Variants in MB21D2 observed in about 807,000 individuals in gnomAD.
MB21D2 encodes nucleotidyltransferase MB21D2.
In MB21D2, 9 loss-of-function variants were observed where a neutral mutation model predicts 33.3. That is an observed-to-expected ratio of 0.27 (90% CI 0.16 to 0.47). MB21D2 has a LOEUF of 0.47. MB21D2 is among the 20% of genes least tolerant of loss of function. The probability of loss-of-function intolerance (pLI) is 0.99; values close to 1 mark genes in which losing one functional copy is unlikely to be tolerated. For missense variants in MB21D2, 540 were observed against 624.6 expected, an observed-to-expected ratio of 0.86 and a Z score of 1.44; for synonymous variants, 241 against 236.3, an observed-to-expected ratio of 1.02 and a Z score of -0.18.
intron 1 of MB21D2, among the ~76,000 whole-genome samples, chr3:192,890,338 C>T (rs754698304): frequency 7.2e-5 from 11 of 151,806 alleles, no homozygotes; most frequent in Non-Finnish European, 1.2e-4. Context: ...AGGTTTTTTT[C>T]CTGGTATTTT....
chr3:192,869,393 T>A (rs1325505025), intron 1 of MB21D2, among the ~76,000 whole-genome samples: 6 of 151,596 alleles, frequency 4.0e-5, no homozygotes, highest in Non-Finnish European at 8.8e-5. Context: ...AGTGGAATAA[T>A]GTGATAGGCT....
chr3:192,894,749 C>T (rs1713928490), intron 1 of MB21D2, among the ~76,000 whole-genome samples: 1 of 152,126 alleles, frequency 6.6e-6, no homozygotes, highest in Non-Finnish European at 1.5e-5. Context: ...TTTGCTGCTT[C>T]CCACCCCATT....
At chr3:192,808,680 G>A (rs1036587509) in intron 1 of MB21D2, among the ~76,000 whole-genome samples, 1 of 152,172 alleles carries the variant, frequency 6.6e-6, no homozygotes, top group African/African-American at 2.4e-5. Flanking sequence ...TACTACTTAA[G>A]ACAGACAACT....
chr3:192,848,138 T>C (rs1048179629), intron 1 of MB21D2, among the ~76,000 whole-genome samples: 2 of 152,162 alleles, frequency 1.3e-5, no homozygotes, highest in African/African-American at 4.8e-5. Flanking sequence ...AACAGAGAGG[T>C]TACTTCATGT....
chr3:192,901,589 C>T (rs1375367496), intron 1 of MB21D2, among the ~76,000 whole-genome samples: 2 of 152,104 alleles, frequency 1.3e-5, no homozygotes, highest in African/African-American at 4.8e-5. Context: ...TGCTTCAATG[C>T]TTTAAAACAA....
intron 1 of MB21D2, among the ~76,000 whole-genome samples, chr3:192,906,661 G>T (rs1385747214): frequency 6.6e-6 from 1 of 152,058 alleles, no homozygotes; most frequent in African/African-American, 2.4e-5. Flanking sequence ...TTTGCTTCTT[G>T]TTCTTTTAGA....
chr3:192,833,276 A>G (rs1428691517), intron 1 of MB21D2, among the ~76,000 whole-genome samples: 1 of 152,224 alleles, frequency 6.6e-6, no homozygotes, highest in Non-Finnish European at 1.5e-5. Context: ...TTCAAGCCAA[A>G]GAGTTAAGAG....
intron 1 of MB21D2, among the ~76,000 whole-genome samples, chr3:192,862,198 C>G (rs1713059751): frequency 6.6e-6 from 1 of 152,152 alleles, no homozygotes; most frequent in Admixed American, 6.5e-5. Flanking sequence ...CCTGTTTCAA[C>G]CAACACCCTG....
intron 1 of MB21D2, among the ~76,000 whole-genome samples, chr3:192,806,472 C>T (rs1711663260): frequency 6.6e-6 from 1 of 152,170 alleles, no homozygotes; most frequent in African/African-American, 2.4e-5. Flanking sequence ...GCAGCTCAAA[C>T]CTGTGTTGTT....
chr3:192,806,535 A>G (rs921096651), intron 1 of MB21D2, among the ~76,000 whole-genome samples: 9 of 152,172 alleles, frequency 5.9e-5, no homozygotes, highest in Non-Finnish European at 1.3e-4. Context: ...AGGCGTCACA[A>G]ATGAAAGATC....
At chr3:192,800,111 T>C (rs1471959333) in intron 1 of MB21D2, among the ~76,000 whole-genome samples, 1 of 152,210 alleles carries the variant, frequency 6.6e-6, no homozygotes, top group Admixed American at 6.5e-5. Flanking sequence ...TTTTTATCTA[T>C]TGCCTAAGCG....
At chr3:192,878,782 C>T (rs1713497614) in intron 1 of MB21D2, among the ~76,000 whole-genome samples, 1 of 152,194 alleles carries the variant, frequency 6.6e-6, no homozygotes, top group Middle Eastern at 3.4e-3. Flanking sequence ...TGGCCAACGT[C>T]GTGAAACCTG....
intron 1 of MB21D2, among the ~76,000 whole-genome samples, chr3:192,885,794 A>G (rs1477346152): frequency 6.6e-6 from 1 of 152,040 alleles, no homozygotes; most frequent in Admixed American, 6.5e-5. Context: ...TCCAATAAAA[A>G]CAAAAATGAC....
intron 1 of MB21D2, among the ~76,000 whole-genome samples, chr3:192,844,359 T>A (rs1485600785): frequency 2.6e-5 from 4 of 152,336 alleles, no homozygotes; most frequent in African/African-American, 9.6e-5. Flanking sequence ...CCTATCTTCA[T>A]CACCCTGTCA....
In MB21D2 at chr3:192,814,592, G is replaced by A. The variant is rs367910495; in HGVS notation, c.212-14942C>T. On this transcript the variant is annotated intron_variant, in intron 1 of 1. Transcript: ENST00000392452. ...TTAAAAAAAGTCTTGGGCGGGCGCGGTGGCTCACACCTGTAATCCCAGCAC... is the reference window on the plus strand; with the variant it reads ...TTAAAAAAAGTCTTGGGCGGGCGCGATGGCTCACACCTGTAATCCCAGCAC... Among the ~76,000 whole-genome samples the A allele has an allele frequency of 3.3e-5, 5 of 152,110 alleles. No homozygotes were observed. In the East Asian group the frequency reaches 5.8e-4, roughly 18 times the overall value.
At chr3:192,864,642 G>A (rs565528278) in intron 1 of MB21D2, among the ~76,000 whole-genome samples, 65 of 152,144 alleles carry the variant, frequency 4.3e-4, no homozygotes, top group Non-Finnish European at 7.6e-4. Flanking sequence ...AAGTAGCTGG[G>A]ATTACAGACA....
intron 1 of MB21D2, among the ~76,000 whole-genome samples, chr3:192,855,150 G>A (rs1577184736): frequency 6.6e-6 from 1 of 152,080 alleles, no homozygotes; most frequent in East Asian, 1.9e-4. Context: ...CAGAGCTGGA[G>A]TGCAATGGTG....
intron 1 of MB21D2, among the ~76,000 whole-genome samples, chr3:192,825,906 G>T (rs1712164865): frequency 6.6e-6 from 1 of 152,208 alleles, no homozygotes; most frequent in South Asian, 2.1e-4. Flanking sequence ...TGTTCCAATG[G>T]TTCAGTAATT....
At position 192,816,114 on chromosome 3, in the gene MB21D2, CG is replaced by C. The variant is rs540918997; in HGVS notation, c.212-16465del. ...ATTGTCCCAGGGTTGAATTGAGAGA[CG>C]ACGACAGATTAAATGCAGACAGCTG... On this transcript the variant is annotated intron_variant, in intron 1 of 1. Coordinates refer to ENST00000392452, the MANE Select transcript of MB21D2 (RefSeq NM_178496.4). 1.7e-3 allele frequency among the ~76,000 whole-genome samples: 259 copies of C among 152,032 alleles called. 2 individuals carry two copies. Among genetic ancestry groups the C allele is most frequent in the African/African-American group, 5.9e-3 (243 of 41,446 alleles).
Sources: allele counts gnomAD v4.1 joint callset (sites outside exome capture counted in the v4.1 genomes callset), GRCh38; gene constraint gnomAD v4.1.1; transcripts MANE v1.5; gene names NCBI Gene and HGNC (gene_info 2026-07-23, HGNC 2026-07-21).